The following CHFR variants were observed in gnomAD, a reference collection of about 807,000 sequenced individuals.
CHFR encodes the protein checkpoint with forkhead and ring finger domains, also known as E3 ubiquitin-protein ligase CHFR.
In CHFR, 57 loss-of-function variants were observed where a neutral mutation model predicts 87.6. That is an observed-to-expected ratio of 0.65 (90% CI 0.53 to 0.81). The LOEUF is 0.81. Ranked by LOEUF, CHFR falls within the 30% of genes least tolerant of loss-of-function variation. The pLI is 0.00. For missense variants in CHFR, 797 were observed against 865.8 expected (o/e 0.92, Z 1.00); for synonymous variants, 381 against 359.2 (o/e 1.06, Z -0.69).
chr12:132,854,598 A>G (rs1951022217), intron 10 of CHFR: 1 of 150,376 alleles, frequency 6.6e-6, no homozygotes, highest in Admixed American at 6.6e-5. Context: ...CGAGGTCAGG[A>G]GTTCAAGACC....
At chr12:132,883,871 G>A (rs1375517713) in intron 2 of CHFR, among the ~76,000 whole-genome samples, 1 of 152,212 alleles carries the variant, frequency 6.6e-6, no homozygotes, top group East Asian at 1.9e-4. Flanking sequence ...CCAACGCTTT[G>A]GGAGGCCAAG....
Position 132,876,112 on chromosome 12 carries a change from G to A in CHFR, c.233+1443C>T, listed in dbSNP as rs915516035. The stretch of plus-strand genomic sequence containing the variant: ...AATGGCTGGAACCTGGGAGTCGGAG[G>A]TCGCAGTGAGCCGAGATCGTACCAC... On this transcript the variant is annotated intron_variant, in intron 3 of 17. Transcript: ENST00000450056. Among the ~76,000 whole-genome samples the A allele has an allele frequency of 2.6e-5, 4 of 151,770 alleles. No individual in the cohort carries two copies. The East Asian group carries it at 7.7e-4, about 29-fold the overall frequency.
chr12:132,856,195 C>A (rs950121877), intron 10 of CHFR, among the ~76,000 whole-genome samples: 17 of 152,240 alleles, frequency 1.1e-4, no homozygotes, highest in Non-Finnish European at 4.4e-5. Flanking sequence ...GCCGAGGGTG[C>A]AAATGTCTAC....
chr12:132,856,130 G>T (rs543810326), intron 10 of CHFR, among the ~76,000 whole-genome samples: 2 of 152,336 alleles, frequency 1.3e-5, no homozygotes, highest in Admixed American at 6.5e-5. Flanking sequence ...ATGTCCCTCT[G>T]TCACAGCCAG....
chr12:132,880,182 A>G (rs184613283), intron 2 of CHFR, among the ~76,000 whole-genome samples: 1 of 152,230 alleles, frequency 6.6e-6, no homozygotes, highest in African/African-American at 2.4e-5. Flanking sequence ...TAAACAATAC[A>G]GTATTGTGGC....
chr12:132,859,541 A>G (rs141942403), intron 7 of CHFR, among the ~76,000 whole-genome samples: 2,863 of 152,116 alleles, frequency 0.019, 49 homozygotes, highest in Non-Finnish European at 0.033. Context: ...TAGTAGAGAC[A>G]GGGTTTCACC....
intron 5 of CHFR, 80 bp from the exon 6 acceptor site, chr12:132,869,878 A>G (rs777319138): frequency 3.3e-5 from 48 of 1,475,118 alleles, no homozygotes; most frequent in East Asian, 2.5e-5. Flanking sequence ...CCAGGGCTCA[A>G]GCAGACACTC....
intron 2 of CHFR, among the ~76,000 whole-genome samples, chr12:132,880,748 CAAGGTCAGGAG>C (rs1951748959): frequency 6.6e-6 from 1 of 151,724 alleles, no homozygotes. Context: ...GGGCGGATCA[CAAGGTCAGGAG>C]TTCAAGACCA....
At chr12:132,859,041 G>A (rs779551849) in intron 8 of CHFR, 27 bp downstream of exon 8, 17 of 1,600,802 alleles carry the variant, frequency 1.1e-5, no homozygotes, top group African/African-American at 5.4e-5. Flanking sequence ...GCCATGTTCC[G>A]TGAGCCAAGG....
intron 3 of CHFR, among the ~76,000 whole-genome samples, 170 bp downstream of exon 3, chr12:132,877,385 T>A (rs1951652898): frequency 6.6e-6 from 1 of 152,186 alleles, no homozygotes; most frequent in Non-Finnish European, 1.5e-5. Flanking sequence ...TCAGACTGGA[T>A]CCCTGTTGCT....
In CHFR at chr12:132,848,095, T is replaced by A. The variant is rs1950865670; in HGVS notation, c.1637A>T (p.Asp546Val). 2.5e-6 allele frequency: 4 copies of A among 1,614,028 alleles called. No homozygotes were observed. The highest frequency in any genetic ancestry group is 3.4e-6 in the Non-Finnish European group (4 of 1,180,038). The change falls in exon 14 of 18, where the codon GAC becomes GTC. Residue 546 changes from aspartate (D) to valine (V), a missense_variant. Physicochemically the swap from Asp to Val is radical, Grantham distance 152 (BLOSUM62 -3). Around this residue, in one of 2 missense-constraint regions of CHFR, gnomAD observed 200 missense variants for 264.6 expected, o/e 0.76. Transcript: ENST00000450056. The part of the protein sequence containing the change: ...GVLNNNSYES[D>V]ILKNYLATRG... ...GCAGCGAGTCGGTACCTTCAGGATG[T>A]CTGACTCGTAGCTGTTGTTGTTCAG...
At position 132,836,470 on chromosome 12, in the gene CHFR, AGGGCGCACGGCAC is replaced by A. The variant is rs1950647324; in HGVS notation, c.*5071_*5083del. On this transcript the variant is annotated 3_prime_UTR_variant, in exon 18 of 18. Coordinates refer to ENST00000450056, the MANE Select transcript of CHFR (RefSeq NM_001161346.2). Reference sequence around the variant, plus strand: ...GCACTCACAGTGACAGGCTCCCAGCAGGGCGCACGGCACTCACAGTGACAGGCTCCCAGCACGG... The same window carrying A: ...GCACTCACAGTGACAGGCTCCCAGCATCACAGTGACAGGCTCCCAGCACGG... 3.1e-6 allele frequency: 1 copy of A among 324,616 alleles called. No individual in the cohort carries two copies. Among genetic ancestry groups the A allele is most frequent in the Non-Finnish European group, 5.8e-6 (1 of 172,830 alleles). 20.1% of individuals were successfully genotyped at this position (324,616 alleles called of 1,614,324 possible). A position where few individuals can be genotyped will look rare whatever the true frequency, so the allele number is the denominator to read the frequency against.
rs1241886898 is a variant in CHFR, at chr12:132,870,632, C to T, written c.403+92G>A. On this transcript the variant is annotated intron_variant, in intron 5 of 17. Coordinates refer to ENST00000450056, the MANE Select transcript of CHFR (RefSeq NM_001161346.2). ...CTGAGATCGCGCCACCGCACTCCAG[C>T]CTGGGTAACAGAGCGAGACTCCATC... 5.6e-6 allele frequency: 5 copies of T among 896,104 alleles called. No homozygotes were observed. In the Admixed American group the frequency reaches 9.5e-5, roughly 17 times the overall value. The allele number at this position is 896,104 out of a possible 1,614,324, so 55.5% of individuals were successfully genotyped here.
chr12:132,864,491 T>G (rs1282334515), intron 6 of CHFR, among the ~76,000 whole-genome samples: 1 of 152,204 alleles, frequency 6.6e-6, no homozygotes. Context: ...TTTTTTATTA[T>G]TTTTATTTTC....
At chr12:132,844,209 G>T in intron 15 of CHFR, 75 bp from the exon 16 acceptor site, 2 of 919,362 alleles carry the variant, frequency 2.2e-6, no homozygotes, top group Non-Finnish European at 3.5e-6. Flanking sequence ...AGCAGTGGGA[G>T]ACTAACGCAC....
At chr12:132,851,862 C>T in intron 11 of CHFR, 125 bp from the exon 12 acceptor site, 1 of 1,190,170 alleles carries the variant, frequency 8.4e-7, no homozygotes, top group Non-Finnish European at 1.1e-6. Context: ...AGAAGCAGAC[C>T]TGCCCTGCTA....
chr12:132,875,900 C>A (rs1470475383), intron 3 of CHFR, among the ~76,000 whole-genome samples: 2 of 151,798 alleles, frequency 1.3e-5, no homozygotes, highest in African/African-American at 4.8e-5. Context: ...GCTGGCCGGG[C>A]GCGATGGCTC....
In CHFR at chr12:132,853,480, G is replaced by C. The variant is rs1239336733; in HGVS notation, c.1323C>G (p.Ala441=). Reference sequence around the variant, plus strand: ...AGGGTGCATCCCCCAGGGCCTGTGGGGCTCCTGGCTCGCCCTCGGGTGCTG... The same window carrying C: ...AGGGTGCATCCCCCAGGGCCTGTGGCGCTCCTGGCTCGCCCTCGGGTGCTG... ...HCPAPEGEPG[A]PQALGDAPST... The change falls in exon 11 of 18, where the codon GCC becomes GCG. Residue 441 remains alanine (A), a synonymous_variant. Transcript: ENST00000450056. 5.8e-6 allele frequency: 9 copies of C among 1,539,850 alleles called. No individual in the cohort carries two copies. The highest frequency in any genetic ancestry group is 7.0e-6 in the Non-Finnish European group (8 of 1,150,306).
Position 132,841,294 on chromosome 12 carries a change from G to A in CHFR, c.*260C>T, listed in dbSNP as rs1950699427. 2 of 415,258 alleles carry A rather than the reference G, an allele frequency of 4.8e-6. No homozygotes were observed. The highest frequency in any genetic ancestry group is 4.3e-6 in the Non-Finnish European group (1 of 233,500). 25.7% of individuals were successfully genotyped at this position (415,258 alleles called of 1,614,324 possible). On this transcript the variant is annotated 3_prime_UTR_variant, in exon 18 of 18. Transcript: ENST00000450056. The stretch of plus-strand genomic sequence containing the variant: ...GCGGGACGGCCGCATGTTACAGAAA[G>A]GCTTCGTCTCTGCTGCTGATGCCAC...
Sources: gnomAD v4.1 joint callset for allele counts (sites outside exome capture counted in the v4.1 genomes callset) on GRCh38, gnomAD v4.1.1 for gene constraint, gnomAD v4.1.1 regional missense constraint, MANE v1.5 for transcripts, NCBI Gene and HGNC (gene_info 2026-07-23, HGNC 2026-07-21) for gene names.